The following MLLT3 variants were observed in gnomAD, a reference collection of about 807,000 sequenced individuals.
MLLT3 encodes the protein protein AF-9.
A neutral mutation model predicts 53.2 loss-of-function variants in MLLT3; 4 were observed. The ratio of observed to expected loss-of-function variants is 0.08; its 90% CI spans 0.04 to 0.17. MLLT3 has a LOEUF of 0.17. MLLT3 is among the 10% of genes least tolerant of loss of function. MLLT3 has a pLI of 1.00. For synonymous variants in MLLT3, 283 were observed against 230.6 expected (o/e 1.23, Z -2.06); for missense variants, 569 against 684.0 (o/e 0.83, Z 1.87).
chr9:20,428,270 T>C (rs1040286167), intron 4 of MLLT3, among the ~76,000 whole-genome samples: 7 of 152,064 alleles, frequency 4.6e-5, no homozygotes, highest in Non-Finnish European at 1.0e-4. Flanking sequence ...CAAAACTTTA[T>C]AGATTAACAC....
At position 20,363,368 on chromosome 9, in the gene MLLT3, T is replaced by A; in HGVS notation, c.1331+108A>T. 4 of 1,315,488 alleles carry A rather than the reference T, an allele frequency of 3.0e-6. No individual in the cohort carries two copies. The South Asian group carries it at 5.7e-5, about 19-fold the overall frequency. 81.5% of individuals were successfully genotyped at this position (1,315,488 alleles called of 1,614,324 possible). ...ACCCTGCATCAAATGAATGTGACCA[T>A]CTACTGCCGTTTTTGGTGTTTCACA... On this transcript the variant is annotated intron_variant, in intron 7 of 10. Coordinates refer to ENST00000380338, the MANE Select transcript of MLLT3 (RefSeq NM_004529.4).
chr9:20,506,117 C>T (rs1275249835), intron 2 of MLLT3, among the ~76,000 whole-genome samples: 2 of 151,418 alleles, frequency 1.3e-5, no homozygotes, highest in African/African-American at 4.9e-5. Context: ...TGCAGTGGCA[C>T]GATTTCGGCT....
rs533251269 is a variant in MLLT3 at position 20,356,228 on chromosome 9, T to C, written c.1432-1349A>G. 1.2e-4 allele frequency among the ~76,000 whole-genome samples: 18 copies of C among 152,334 alleles called. No homozygotes were observed. The South Asian group carries it at 3.7e-3, about 32-fold the overall frequency. On this transcript the variant is annotated intron_variant, in intron 8 of 10. Transcript: ENST00000380338. ...TAAAAAGTGTCCTTTTAACAGTCTT[T>C]CCTGACAATCATGCTTTTTTTCATC...
At chr9:20,365,870 T>A in intron 5 of MLLT3, 126 bp from the exon 6 acceptor site, 1 of 847,750 alleles carries the variant, frequency 1.2e-6, no homozygotes, top group South Asian at 1.7e-5. Context: ...TATGTCAAAT[T>A]ACTAACACAG....
chr9:20,528,777 G>C lies in MLLT3; in HGVS notation c.194-71991C>G, dbSNP rs192549835. 2.0e-3 allele frequency among the ~76,000 whole-genome samples: 302 copies of C among 152,238 alleles called. 1 individual carries two copies. The highest frequency in any genetic ancestry group is 3.3e-3 in the Non-Finnish European group (224 of 68,002). ...TTTATCTCAAGATCCTTAATTTACCGCATCTGCAAGGATCCTTTTTCCAAT... is the reference window on the plus strand; with the variant it reads ...TTTATCTCAAGATCCTTAATTTACCCCATCTGCAAGGATCCTTTTTCCAAT... On this transcript the variant is annotated intron_variant, in intron 2 of 10. Coordinates refer to ENST00000380338, the MANE Select transcript of MLLT3 (RefSeq NM_004529.4).
chr9:20,475,943 A>G lies in MLLT3; in HGVS notation c.194-19157T>C, dbSNP rs545800837. Among the ~76,000 whole-genome samples, 7 of 152,254 alleles carry G rather than the reference A, an allele frequency of 4.6e-5. No homozygotes were observed. In the East Asian group the frequency reaches 1.3e-3, roughly 29 times the overall value. Reference sequence around the variant, plus strand: ...AACAAACTATGCGTTTCACTGATACATGTTTTTCTAAATAGCAAATATGAT... The same window carrying G: ...AACAAACTATGCGTTTCACTGATACGTGTTTTTCTAAATAGCAAATATGAT... On this transcript the variant is annotated intron_variant, in intron 2 of 10. Coordinates refer to ENST00000380338, the MANE Select transcript of MLLT3 (RefSeq NM_004529.4).
chr9:20,480,459 G>A (rs1824633404), intron 2 of MLLT3, among the ~76,000 whole-genome samples: 1 of 152,150 alleles, frequency 6.6e-6, no homozygotes, highest in South Asian at 2.1e-4. Flanking sequence ...GCTTGGATGA[G>A]CAAAGACAAA....
chr9:20,380,427 A>C (rs1219585334), intron 5 of MLLT3: 1 of 151,998 alleles, frequency 6.6e-6, no homozygotes, highest in East Asian at 1.9e-4. Flanking sequence ...TCAATTTCAA[A>C]TATCTCAAGA....
intron 5 of MLLT3, among the ~76,000 whole-genome samples, chr9:20,370,030 T>G (rs1457939603): frequency 6.6e-6 from 1 of 152,204 alleles, no homozygotes; most frequent in Non-Finnish European, 1.5e-5. Context: ...ACCAAAAAAA[T>G]GTTTTACTAC....
chr9:20,519,772 T>C (rs1371563987), intron 2 of MLLT3, among the ~76,000 whole-genome samples: 3 of 152,166 alleles, frequency 2.0e-5, no homozygotes, highest in African/African-American at 7.2e-5. Context: ...GTTCAACCAT[T>C]GTGGAAGACA....
chr9:20,412,750 A>C (rs1822761792), intron 5 of MLLT3, among the ~76,000 whole-genome samples: 1 of 152,226 alleles, frequency 6.6e-6, no homozygotes, highest in African/African-American at 2.4e-5. Flanking sequence ...CATTACTAAT[A>C]AGTAACTGAA....
intron 2 of MLLT3, among the ~76,000 whole-genome samples, chr9:20,550,551 A>G (rs927958252): frequency 1.6e-4 from 24 of 151,642 alleles, no homozygotes; most frequent in African/African-American, 5.6e-4. Context: ...CCACCCCACG[A>G]GTAACTGGGA....
chr9:20,600,096 T>C (rs1480394911), intron 2 of MLLT3, among the ~76,000 whole-genome samples: 6 of 150,748 alleles, frequency 4.0e-5, no homozygotes, highest in Non-Finnish European at 8.8e-5. Context: ...ATTCTCTTTC[T>C]TATCAAACAT....
At chr9:20,392,987 C>A (rs1178183858) in intron 5 of MLLT3, among the ~76,000 whole-genome samples, 1 of 152,114 alleles carries the variant, frequency 6.6e-6, no homozygotes, top group Non-Finnish European at 1.5e-5. Context: ...AAAACCCTGT[C>A]TCTACTAAAA....
At chr9:20,352,458 G>C (rs1054300563) in intron 10 of MLLT3, among the ~76,000 whole-genome samples, 6 of 152,144 alleles carry the variant, frequency 3.9e-5, no homozygotes, top group African/African-American at 1.4e-4. Flanking sequence ...CAAAGTACTA[G>C]ACCACCACTC....
At chr9:20,388,687 C>A (rs114599670) in intron 5 of MLLT3, among the ~76,000 whole-genome samples, 1,747 of 151,804 alleles carry the variant, frequency 0.012, 33 homozygotes, top group African/African-American at 0.039. Flanking sequence ...GAAAAAAAAA[C>A]CACCATGATT....
chr9:20,522,718 A>G (rs1414993988), intron 2 of MLLT3, among the ~76,000 whole-genome samples: 1 of 152,210 alleles, frequency 6.6e-6, no homozygotes, highest in Non-Finnish European at 1.5e-5. Context: ...CAAGAGAATC[A>G]AAAGAAAAGC....
At chr9:20,377,088 A>G (rs976686827) in intron 5 of MLLT3, among the ~76,000 whole-genome samples, 1 of 152,194 alleles carries the variant, frequency 6.6e-6, no homozygotes, top group African/African-American at 2.4e-5. Flanking sequence ...AAATGTTACA[A>G]GTGAGAGGGC....
At chr9:20,589,589 A>C (rs1033552542) in intron 2 of MLLT3, among the ~76,000 whole-genome samples, 58 of 7,528 alleles carry the variant, frequency 7.7e-3, no homozygotes, top group African/African-American at 0.019. Flanking sequence ...TATAATAATA[A>C]AAAAAAAAAG....
Sources: allele counts gnomAD v4.1 joint callset (sites outside exome capture counted in the v4.1 genomes callset), GRCh38; gene constraint gnomAD v4.1.1; transcripts MANE v1.5; gene names NCBI Gene and HGNC (gene_info 2026-07-23, HGNC 2026-07-21).